The following RILPL1 variants were observed in gnomAD, a reference collection of about 807,000 sequenced individuals.
RILPL1 encodes the protein Rab interacting lysosomal protein like 1.
In RILPL1, 33 loss-of-function variants were observed where a neutral mutation model predicts 50.3. That is an observed-to-expected ratio of 0.66 (90% CI 0.50 to 0.88). RILPL1 has a LOEUF of 0.88. Among genes scored for constraint, RILPL1 ranks in the 40% least tolerant of loss-of-function variants. The pLI is 0.00. For missense variants in RILPL1, 418 were observed against 542.5 expected (o/e 0.77, Z 2.28); for synonymous variants, 205 against 228.6 (o/e 0.90, Z 0.93).
intron 4 of RILPL1, among the ~76,000 whole-genome samples, chr12:123,496,242 G>A (rs749784421): frequency 3.3e-5 from 5 of 151,976 alleles, no homozygotes; most frequent in Non-Finnish European, 5.9e-5. Context: ...TCGAACTCCT[G>A]ACCTCAAGTG....
In RILPL1 at chr12:123,485,741, G is replaced by C. The variant is rs752658668; in HGVS notation, c.866C>G (p.Pro289Arg). The change falls in exon 5 of 7, where the codon CCC becomes CGC. Residue 289 changes from proline to arginine, a missense_variant. Coordinates refer to ENST00000376874, the MANE Select transcript of RILPL1 (RefSeq NM_178314.5). The surrounding 1 kb of genome is among the most constrained non-coding windows in gnomAD (Gnocchi z 4.0). ...AEKVAMDLKD[P>R]NRPRFTLQEL... ...CTGCAGGGTGAACCGGGGGCGGTTG[G>C]GGTCCTTGAGATCCATGGCCACCTT... 4 of 1,612,904 alleles carry C rather than the reference G, an allele frequency of 2.5e-6. No homozygotes were observed. Among genetic ancestry groups the C allele is most frequent in the Non-Finnish European group, 3.4e-6 (4 of 1,179,522 alleles).
At chr12:123,501,830 A>C (rs750993348) in intron 2 of RILPL1, among the ~76,000 whole-genome samples, 3 of 151,164 alleles carry the variant, frequency 2.0e-5, no homozygotes, top group Middle Eastern at 3.2e-3. Context: ...TAATCCTAGC[A>C]CTCTGGGTGG....
intron 2 of RILPL1, among the ~76,000 whole-genome samples, chr12:123,516,266 A>G (rs573657329): frequency 6.6e-6 from 1 of 152,290 alleles, no homozygotes; most frequent in South Asian, 2.1e-4. Context: ...CCGTGTTTAC[A>G]CCACTGCTCT....
chr12:123,494,469 G>T (rs1260449677), intron 4 of RILPL1, among the ~76,000 whole-genome samples: 2 of 152,198 alleles, frequency 1.3e-5, no homozygotes, highest in East Asian at 3.8e-4. Context: ...AAACTGACAG[G>T]CAGTCGCGCC....
intron 2 of RILPL1, among the ~76,000 whole-genome samples, chr12:123,518,827 G>A (rs1184608447): frequency 6.6e-6 from 1 of 151,990 alleles, no homozygotes; most frequent in Non-Finnish European, 1.5e-5. Flanking sequence ...GGGAGGCCGA[G>A]GCAGGCGGAT....
chr12:123,509,003 T>C (rs1428997577), intron 2 of RILPL1, among the ~76,000 whole-genome samples: 1 of 152,130 alleles, frequency 6.6e-6, no homozygotes, highest in Non-Finnish European at 1.5e-5. Flanking sequence ...CTGGTCAACA[T>C]GGTGAAACCT....
At chr12:123,499,650 C>G (rs1035343842) in intron 2 of RILPL1, 114 bp from the exon 3 acceptor site, 11 of 742,240 alleles carry the variant, frequency 1.5e-5, no homozygotes, top group Non-Finnish European at 2.6e-5. Flanking sequence ...GCCTCCTCCC[C>G]AGCCTCATCC....
At chr12:123,529,878 A>G (rs1566148947) in intron 1 of RILPL1, among the ~76,000 whole-genome samples, 1 of 151,238 alleles carries the variant, frequency 6.6e-6, no homozygotes, top group Non-Finnish European at 1.5e-5. Context: ...TGACTCAAAA[A>G]AAAAAAAAAG....
chr12:123,476,866 CAGGGCTAAAATGT>C (rs1277176628), intron 6 of RILPL1, among the ~76,000 whole-genome samples: 2 of 152,182 alleles, frequency 1.3e-5, no homozygotes, highest in Non-Finnish European at 2.9e-5. Flanking sequence ...AGTGGCTCCC[CAGGGCTAAAATGT>C]AGGGCTGTGT....
At chr12:123,494,119 CT>C (rs909851628) in intron 4 of RILPL1, among the ~76,000 whole-genome samples, 2 of 152,168 alleles carry the variant, frequency 1.3e-5, no homozygotes, top group Admixed American at 6.6e-5. Context: ...AAGCCCTCCC[CT>C]GATCTTATAC....
At position 123,498,846 on chromosome 12, in the gene RILPL1, A is replaced by C; in HGVS notation, c.580-81T>G. 7.8e-7 allele frequency: 1 copy of C among 1,281,610 alleles called. No individual in the cohort carries two copies. The highest frequency in any genetic ancestry group is 1.1e-6 in the Non-Finnish European group (1 of 892,120). 79.4% of individuals were successfully genotyped at this position (1,281,610 alleles called of 1,614,324 possible). A position where few individuals can be genotyped will look rare whatever the true frequency, so the allele number is the denominator to read the frequency against. ...TACACTGCACAACGGCAAACCATCCATAGGTGTGCCATTTACATTGCAGAC... is the reference window on the plus strand; with the variant it reads ...TACACTGCACAACGGCAAACCATCCCTAGGTGTGCCATTTACATTGCAGAC... On this transcript the variant is annotated intron_variant, in intron 3 of 6. Coordinates refer to ENST00000376874, the MANE Select transcript of RILPL1 (RefSeq NM_178314.5). The surrounding 1 kb of genome is among the most constrained non-coding windows in gnomAD (Gnocchi z 4.3).
intron 2 of RILPL1, among the ~76,000 whole-genome samples, chr12:123,516,410 AC>A (rs975620055): frequency 2.0e-5 from 3 of 152,198 alleles, no homozygotes; most frequent in Non-Finnish European, 4.4e-5. Flanking sequence ...GGCTGAGGCC[AC>A]CCTGCCGGAC....
chr12:123,521,606 TAC>T (rs762964864), intron 2 of RILPL1, among the ~76,000 whole-genome samples: 64,976 of 93,062 alleles, frequency 0.7, 23,362 homozygotes, highest in East Asian at 0.91. Context: ...TTAATATATA[TAC>T]ACACATATGT....
intron 2 of RILPL1, among the ~76,000 whole-genome samples, chr12:123,514,633 C>T (rs1013921626): frequency 2.0e-5 from 3 of 151,958 alleles, no homozygotes; most frequent in African/African-American, 7.3e-5. Context: ...ACCATGTTGG[C>T]CAGGCTGGTC....
Position 123,498,646 on chromosome 12 carries a change from C to A in RILPL1, c.699G>T (p.Leu233=), listed in dbSNP as rs1229905664. The A allele has an allele frequency of 6.2e-7, 1 of 1,613,666 alleles. No individual in the cohort carries two copies. Among genetic ancestry groups the A allele is most frequent in the Non-Finnish European group, 8.5e-7 (1 of 1,179,892 alleles). The change falls in exon 4 of 7, where the codon CTG becomes CTT. Residue 233 remains leucine, a synonymous_variant. Coordinates refer to ENST00000376874, the MANE Select transcript of RILPL1 (RefSeq NM_178314.5). This position sits in a 1 kb window ranked among gnomAD's most constrained non-coding sequence, Gnocchi z 4.3. The part of the protein sequence containing the change: ...IEQKVELEAD[L]QTKEQEMGSL... ...TGCCCATCTCCTGCTCCTTGGTCTGCAGGTCTGCCTCCAGCTCCACCTTCT... is the reference window on the plus strand; with the variant it reads ...TGCCCATCTCCTGCTCCTTGGTCTGAAGGTCTGCCTCCAGCTCCACCTTCT...
intron 2 of RILPL1, chr12:123,514,033 T>A (rs1284777107): frequency 1.3e-5 from 2 of 152,190 alleles, no homozygotes; most frequent in African/African-American, 4.8e-5. Context: ...AGCAGCACTA[T>A]CTGTAGCAGA....
At chr12:123,527,006 T>C (rs1252995192) in intron 1 of RILPL1, among the ~76,000 whole-genome samples, 1 of 152,302 alleles carries the variant, frequency 6.6e-6, no homozygotes, top group East Asian at 1.9e-4. Flanking sequence ...TTACCTTACA[T>C]GGCAAAAGGG....
intron 4 of RILPL1, among the ~76,000 whole-genome samples, chr12:123,493,354 G>A (rs1017563268): frequency 2.0e-5 from 3 of 152,242 alleles, no homozygotes; most frequent in East Asian, 1.9e-4. Flanking sequence ...ATTGTCTTGT[G>A]ACCCTGACAC....
chr12:123,509,761 C>A (rs928680414), intron 2 of RILPL1, among the ~76,000 whole-genome samples: 27 of 152,220 alleles, frequency 1.8e-4, no homozygotes, highest in African/African-American at 6.0e-4. Flanking sequence ...GTCCAGCGCC[C>A]TGCTGCCCAC....
Sources: gnomAD v4.1 joint callset for allele counts (sites outside exome capture counted in the v4.1 genomes callset) on GRCh38, gnomAD v4.1.1 for gene constraint, Gnocchi (gnomAD v3.1) non-coding constraint, MANE v1.5 for transcripts, NCBI Gene and HGNC (gene_info 2026-07-23, HGNC 2026-07-21) for gene names.